The following MYO6 variants were observed in gnomAD, a reference collection of about 807,000 sequenced individuals.
The protein encoded by MYO6 is myosin VI.
A neutral mutation model predicts 178.7 loss-of-function variants in MYO6; 74 were observed. The observed-to-expected ratio is 0.41, with a 90% CI of 0.34 to 0.50. MYO6 has a LOEUF of 0.50. Among genes scored for constraint, MYO6 ranks in the 20% least tolerant of loss-of-function variants. The pLI is 0.09. For missense variants in MYO6, 1,330 were observed against 1,547.4 expected, an observed-to-expected ratio of 0.86 and a Z score of 2.36; for synonymous variants, 477 against 504.6, an observed-to-expected ratio of 0.95 and a Z score of 0.73.
At chr6:75,890,349 G>T in intron 26 of MYO6, 84 bp downstream of exon 26, 1 of 1,558,354 alleles carries the variant, frequency 6.4e-7, no homozygotes. Context: ...ACAATTATTT[G>T]TTTTGTTTTG....
chr6:75,898,501 A>G, intron 30 of MYO6, 90 bp downstream of exon 30: 1 of 1,038,476 alleles, frequency 9.6e-7, no homozygotes. Context: ...AACCTGTTAC[A>G]TGAGTAGCCT....
chr6:75,868,481 A>G (rs953522139), intron 18 of MYO6, among the ~76,000 whole-genome samples: 8 of 152,090 alleles, frequency 5.3e-5, no homozygotes, highest in African/African-American at 1.7e-4. Flanking sequence ...ATAAATAAAG[A>G]CATTCTTACA....
At chr6:75,851,355 A>G (rs962378970) in intron 11 of MYO6, among the ~76,000 whole-genome samples, 11 of 152,186 alleles carry the variant, frequency 7.2e-5, no homozygotes, top group African/African-American at 2.7e-4. Context: ...TTAATATGTG[A>G]TTCAATTAAT....
intron 10 of MYO6, among the ~76,000 whole-genome samples, chr6:75,847,664 A>G (rs1236909775): frequency 6.6e-6 from 1 of 152,048 alleles, no homozygotes; most frequent in East Asian, 1.9e-4. Context: ...AATGCTTACT[A>G]ATATACTTTA....
chr6:75,893,472 A>G (rs1357292566), intron 28 of MYO6, among the ~76,000 whole-genome samples: 6 of 152,202 alleles, frequency 3.9e-5, no homozygotes, highest in East Asian at 3.8e-4. Context: ...TTCCGAGCTT[A>G]AAAGCAGTTT....
chr6:75,881,815 A>G lies in MYO6; in HGVS notation c.2413A>G (p.Lys805Glu). The change falls in exon 23 of 35, where the codon AAA (lysine) becomes GAA (glutamate). Residue 805 changes from lysine (K) to glutamate (E), a missense_variant. Physicochemically the swap from Lys to Glu is moderately conservative, Grantham distance 56. This residue lies in a region of MYO6 where 601 missense variants were observed against 626.1 expected (regional missense o/e 0.96). Coordinates refer to ENST00000369977, the MANE Select transcript of MYO6 (RefSeq NM_004999.4). Reference protein sequence around the residue: ...KVQWCSLSVIKLKNKIKYRAE... With the variant: ...KVQWCSLSVIELKNKIKYRAE... ...TCAGTGGTGCTCACTCTCAGTCATCAAATGTAGGTGTTTTCCTTTACACCT... is the reference window on the plus strand; with the variant it reads ...TCAGTGGTGCTCACTCTCAGTCATCGAATGTAGGTGTTTTCCTTTACACCT... The G allele has an allele frequency of 1.2e-6, 2 of 1,613,688 alleles. No individual in the cohort carries two copies. Among genetic ancestry groups the G allele is most frequent in the East Asian group, 2.2e-5 (1 of 44,854 alleles).
chr6:75,758,546 C>T (rs1018937934), intron 1 of MYO6, among the ~76,000 whole-genome samples: 4 of 151,734 alleles, frequency 2.6e-5, no homozygotes, highest in African/African-American at 4.8e-5. Flanking sequence ...CTGCAAGCTC[C>T]GCCTCCTGGG....
At chr6:75,827,361 C>A (rs1188016962) in intron 3 of MYO6, among the ~76,000 whole-genome samples, 1 of 152,000 alleles carries the variant, frequency 6.6e-6, no homozygotes, top group South Asian at 2.1e-4. Context: ...ATGAATGATA[C>A]CTGCATCTAA....
At chr6:75,893,147 C>T (rs1562295109) in intron 28 of MYO6, among the ~76,000 whole-genome samples, 1 of 152,082 alleles carries the variant, frequency 6.6e-6, no homozygotes, top group Admixed American at 6.5e-5. Flanking sequence ...GAGAACTCTA[C>T]TCTGCAATGC....
intron 20 of MYO6, among the ~76,000 whole-genome samples, chr6:75,877,600 G>C (rs966572889): frequency 6.6e-6 from 1 of 151,852 alleles, no homozygotes; most frequent in Admixed American, 6.6e-5. Context: ...CAAATACCAG[G>C]GCAAAGTAGG....
chr6:75,897,452 A>G lies in MYO6; in HGVS notation c.3138-921A>G, dbSNP rs149058566. ...TGCTTTCATAGACCTCCATCCATAC[A>G]TAATTGTAGACAGTGTTCATTACGA... On this transcript the variant is annotated intron_variant, in intron 29 of 34. Coordinates refer to ENST00000369977, the MANE Select transcript of MYO6 (RefSeq NM_004999.4). 3.4e-3 allele frequency among the ~76,000 whole-genome samples: 524 copies of G among 152,326 alleles called. 1 individual carries two copies. Among genetic ancestry groups the G allele is most frequent in the Non-Finnish European group, 6.1e-3 (415 of 68,026 alleles).
chr6:75,775,859 G>T (rs1257188670), intron 1 of MYO6, among the ~76,000 whole-genome samples: 1 of 152,164 alleles, frequency 6.6e-6, no homozygotes, highest in African/African-American at 2.4e-5. Context: ...TTCCTAATAT[G>T]AGTAATTAGT....
chr6:75,819,919 G>C (rs917350631), intron 2 of MYO6, among the ~76,000 whole-genome samples: 1 of 152,096 alleles, frequency 6.6e-6, no homozygotes, highest in African/African-American at 2.4e-5. Context: ...GCTGGGTGTG[G>C]TGGTACATGC....
chr6:75,884,341 A>G (rs991010897), intron 23 of MYO6, among the ~76,000 whole-genome samples: 3 of 152,366 alleles, frequency 2.0e-5, no homozygotes, highest in Middle Eastern at 3.4e-3. Flanking sequence ...GCTTTTCATA[A>G]ACTCATTTGA....
chr6:75,897,656 G>A (rs1184201274), intron 29 of MYO6, among the ~76,000 whole-genome samples: 3 of 152,132 alleles, frequency 2.0e-5, no homozygotes, highest in South Asian at 2.1e-4. Flanking sequence ...AAATAATTAC[G>A]AAGGAAAAGA....
chr6:75,839,634 A>T (rs1159387958), intron 7 of MYO6, among the ~76,000 whole-genome samples: 1 of 152,210 alleles, frequency 6.6e-6, no homozygotes, highest in African/African-American at 2.4e-5. Context: ...TTAGATGAGT[A>T]TAAGAGTAGA....
At chr6:75,829,786 T>C (rs1772887403) in intron 4 of MYO6, among the ~76,000 whole-genome samples, 1 of 152,184 alleles carries the variant, frequency 6.6e-6, no homozygotes, top group Non-Finnish European at 1.5e-5. Context: ...AAAAGCAAGC[T>C]TAAGTTGCTC....
chr6:75,861,143 G>T (rs1261350800), intron 15 of MYO6, 48 bp downstream of exon 15: 1 of 1,391,518 alleles, frequency 7.2e-7, no homozygotes, highest in Non-Finnish European at 1.0e-6. Context: ...AAGATGTAGT[G>T]AATGTGTTTA....
chr6:75,842,204 A>G (rs1215641594), intron 9 of MYO6, among the ~76,000 whole-genome samples: 5 of 146,056 alleles, frequency 3.4e-5, no homozygotes, highest in South Asian at 2.1e-4. Context: ...ACACACATGC[A>G]CACACACACA....
Sources: gnomAD v4.1 joint callset for allele counts (sites outside exome capture counted in the v4.1 genomes callset) on GRCh38, gnomAD v4.1.1 for gene constraint, gnomAD v4.1.1 regional missense constraint, MANE v1.5 for transcripts, NCBI Gene and HGNC (gene_info 2026-07-23, HGNC 2026-07-21) for gene names.